ACSL4: variants seen among roughly 807,000 people sequenced by gnomAD.
The protein encoded by ACSL4 is long-chain-fatty-acid--CoA ligase 4.
ACSL4 carries 9 observed loss-of-function variants against 49.1 expected under a neutral mutation model. The ratio of observed to expected loss-of-function variants is 0.18; its 90% CI spans 0.11 to 0.32. ACSL4 has a LOEUF of 0.32. Ranked by LOEUF, ACSL4 falls within the 10% of genes least tolerant of loss-of-function variation. The pLI is 1.00. For missense variants in ACSL4, 333 were observed against 493.7 expected, an observed-to-expected ratio of 0.67 and a Z score of 3.08; for synonymous variants, 191 against 170.3, an observed-to-expected ratio of 1.12 and a Z score of -0.95.
chrX:109,725,249 T>A (rs971430778), intron 1 of ACSL4, among the ~76,000 whole-genome samples: 1 of 38,788 alleles, frequency 2.6e-5, no homozygotes, highest in Non-Finnish European at 8.3e-5. Context: ...ACCCAGCTAT[T>A]TTTTTTTTTT....
chrX:109,709,962 G>A (rs1344794646), intron 1 of ACSL4, among the ~76,000 whole-genome samples: 2 of 111,328 alleles, frequency 1.8e-5, no homozygotes, highest in African/African-American at 3.3e-5. Flanking sequence ...AAAATTAGCC[G>A]GGCCTGGTGG....
intron 15 of ACSL4, among the ~76,000 whole-genome samples, chrX:109,654,844 G>A (rs924989525): frequency 8.9e-6 from 1 of 111,976 alleles, no homozygotes; most frequent in African/African-American, 3.3e-5. Flanking sequence ...TTGTAGGCAG[G>A]TCTACTTTTT....
At chrX:109,716,896 T>G (rs1167824881) in intron 1 of ACSL4, among the ~76,000 whole-genome samples, 2 of 112,379 alleles carry the variant, frequency 1.8e-5, no homozygotes, top group Non-Finnish European at 3.8e-5. Context: ...ATATTGCCCA[T>G]GTATCCCTAA....
chrX:109,676,888 C>T (rs1299075168), intron 8 of ACSL4, among the ~76,000 whole-genome samples: 1 of 111,886 alleles, frequency 8.9e-6, no homozygotes, highest in Non-Finnish European at 1.9e-5. Context: ...AATATGGTAG[C>T]CGTTGGTCAC....
At chrX:109,721,790 T>A (rs1448237277) in intron 1 of ACSL4, among the ~76,000 whole-genome samples, 1 of 110,617 alleles carries the variant, frequency 9.0e-6, no homozygotes, top group African/African-American at 3.3e-5. Flanking sequence ...TCACCATACC[T>A]CCCCACTCCA....
At chrX:109,717,057 AAATATAAGAGGGT>A (rs1432962430) in intron 1 of ACSL4, among the ~76,000 whole-genome samples, 3 of 112,243 alleles carry the variant, frequency 2.7e-5, no homozygotes, top group Non-Finnish European at 5.6e-5. Context: ...AATAGCAATA[AAATATAAGAGGGT>A]AGTTTGCTTT....
Position 109,683,542 on chromosome X carries a change from G to T in ACSL4, c.-12-167C>A, listed in dbSNP as rs926041917. ...TCTTGTTATTCTTTGGCTTTTGAAA[G>T]CCTTATTGTGCTGAAGAAGGCAATA... On this transcript the variant is annotated intron_variant, in intron 2 of 15. Coordinates refer to ENST00000672401, the MANE Select transcript of ACSL4 (RefSeq NM_001318510.2). 67 of 971,000 alleles carry T rather than the reference G, an allele frequency of 6.9e-5. No homozygotes were observed. The African/African-American group carries it at 1.1e-3, about 16-fold the overall frequency. The allele number at this position is 971,000 out of a possible 1,213,427, so 80.0% of individuals were successfully genotyped here. A position where few individuals can be genotyped will look rare whatever the true frequency, so the allele number is the denominator to read the frequency against.
intron 15 of ACSL4, among the ~76,000 whole-genome samples, chrX:109,650,811 C>T (rs985200446): frequency 8.9e-6 from 1 of 111,995 alleles, no homozygotes; most frequent in African/African-American, 3.2e-5. Context: ...AAAATGTAAG[C>T]TCCATAAAAG....
chrX:109,646,696 T>C (rs1376247251), intron 15 of ACSL4, among the ~76,000 whole-genome samples: 39 of 110,824 alleles, frequency 3.5e-4, no homozygotes, highest in Admixed American at 2.2e-3. Flanking sequence ...GTAAATGGAC[T>C]AAATGCTCCA....
rs186379318 is a variant in ACSL4, at chrX:109,651,728, C to A, written c.1856-7542G>T. ...TTTTCTTACATACATAGGTCCTAGT[C>A]CAGAAACACTGACAAAATTGGGACA... On this transcript the variant is annotated intron_variant, in intron 15 of 15. Transcript: ENST00000672401. Among the ~76,000 whole-genome samples the A allele has an allele frequency of 5.4e-5, 6 of 111,877 alleles. No homozygotes were observed. In the East Asian group the frequency reaches 1.7e-3, roughly 31 times the overall value.
At chrX:109,725,390 T>C in intron 1 of ACSL4, among the ~76,000 whole-genome samples, 1 of 111,050 alleles carries the variant, frequency 9.0e-6, no homozygotes, top group Non-Finnish European at 1.9e-5. Flanking sequence ...AAACTTTCTA[T>C]ATGGGGCCAA....
intron 15 of ACSL4, among the ~76,000 whole-genome samples, chrX:109,649,880 A>G (rs1366137313): frequency 9.3e-6 from 1 of 107,831 alleles, no homozygotes; most frequent in East Asian, 2.9e-4. Context: ...ATGAACAGAC[A>G]CTTCTCAAAA....
chrX:109,648,474 A>G (rs1170085748), intron 15 of ACSL4, among the ~76,000 whole-genome samples: 2 of 110,932 alleles, frequency 1.8e-5, no homozygotes, highest in African/African-American at 6.6e-5. Context: ...AAATTCAACA[A>G]CGCTTCATGC....
intron 1 of ACSL4, among the ~76,000 whole-genome samples, chrX:109,723,208 C>G (rs2147547566): frequency 9.0e-6 from 1 of 111,378 alleles, no homozygotes; most frequent in South Asian, 3.8e-4. Context: ...TATTAGTAAT[C>G]TGCATACCTA....
At chrX:109,708,094 G>A (rs1603410464) in intron 1 of ACSL4, among the ~76,000 whole-genome samples, 1 of 111,233 alleles carries the variant, frequency 9.0e-6, no homozygotes, top group Non-Finnish European at 1.9e-5. Flanking sequence ...ACAGGCATGC[G>A]CCACCACATC....
At chrX:109,660,454 G>A in intron 14 of ACSL4, among the ~76,000 whole-genome samples, 1 of 111,917 alleles carries the variant, frequency 8.9e-6, no homozygotes, top group South Asian at 3.7e-4. Context: ...AGAAGTGGAG[G>A]AACTAGAATG....
At chrX:109,690,885 A>G (rs1381635098) in intron 2 of ACSL4, among the ~76,000 whole-genome samples, 1 of 110,985 alleles carries the variant, frequency 9.0e-6, no homozygotes, top group Non-Finnish European at 1.9e-5. Context: ...GTTACTTCAA[A>G]CACTCCGAGA....
intron 15 of ACSL4, among the ~76,000 whole-genome samples, chrX:109,654,169 G>A (rs967438555): frequency 1.8e-5 from 2 of 109,905 alleles, no homozygotes; most frequent in African/African-American, 6.6e-5. Flanking sequence ...TTTATGCACT[G>A]GGACTATTTA....
At chrX:109,705,386 G>C (rs1603410157) in intron 1 of ACSL4, among the ~76,000 whole-genome samples, 1 of 112,036 alleles carries the variant, frequency 8.9e-6, no homozygotes. Flanking sequence ...CAGGGAACCA[G>C]TGAGATGCCT....
Sources: allele counts gnomAD v4.1 joint callset (sites outside exome capture counted in the v4.1 genomes callset), GRCh38; gene constraint gnomAD v4.1.1; transcripts MANE v1.5; gene names NCBI Gene and HGNC (gene_info 2026-07-23, HGNC 2026-07-21).